Variants in SLC30A10 observed in about 807,000 individuals in gnomAD.
SLC30A10 encodes the protein calcium/manganese antiporter SLC30A10.
Under a neutral mutation model 21.7 loss-of-function variants are expected in SLC30A10, and 8 were observed. The observed-to-expected ratio is 0.37, with a 90% CI of 0.22 to 0.67. The LOEUF (loss-of-function observed/expected upper bound fraction) is 0.67. SLC30A10 is among the 30% of genes least tolerant of loss of function. SLC30A10 has a pLI of 0.58. For synonymous variants in SLC30A10, 272 were observed against 279.4 expected (o/e 0.97, Z 0.26); for missense variants, 521 against 642.5 (o/e 0.81, Z 2.04).
At chr1:219,942,607 C>A (rs1660136769) in intron 1 of SLC30A10, among the ~76,000 whole-genome samples, 1 of 152,200 alleles carries the variant, frequency 6.6e-6, no homozygotes, top group Non-Finnish European at 1.5e-5. Flanking sequence ...CTCAGGCAAA[C>A]AATTTTTTAA....
rs543456288 is a variant in SLC30A10 at position 219,945,653 on chromosome 1, A to G, written n.80+12915T>C. 3.3e-5 allele frequency among the ~76,000 whole-genome samples: 5 copies of G among 152,366 alleles called. 1 individual carries two copies. The South Asian group carries it at 1.0e-3, about 32-fold the overall frequency. Reference sequence around the variant, plus strand: ...TGCAGAAGGAGAAAGTACAAGGAACAGGGGAAAGCCAAAACTAGAAGAGAT... The same window carrying G: ...TGCAGAAGGAGAAAGTACAAGGAACGGGGGAAAGCCAAAACTAGAAGAGAT... On this transcript the variant is annotated intron_variant and non_coding_transcript_variant, in intron 1 of 8. Transcript: ENST00000484239.
chr1:219,946,635 G>A (rs939887892), intron 1 of SLC30A10, among the ~76,000 whole-genome samples: 2 of 152,014 alleles, frequency 1.3e-5, no homozygotes, highest in African/African-American at 2.4e-5. Context: ...GATTAAGCCT[G>A]GCTCAGCCCT....
intron 1 of SLC30A10, among the ~76,000 whole-genome samples, chr1:219,950,884 G>A (rs1660258129): frequency 6.6e-6 from 1 of 152,138 alleles, no homozygotes; most frequent in Non-Finnish European, 1.5e-5. Context: ...GGAGGTAGAG[G>A]TTGCAGTGAG....
rs1553311741 is a variant in SLC30A10, at chr1:219,911,149, G to GTTTTTTTTTTGTTTTTTTTTTTTTT, written c.*4299_*4300insAAAAAAAAAAAAAACAAAAAAAAAA. 3.8e-4 allele frequency among the ~76,000 whole-genome samples: 19 copies of GTTTTTTTTTTGTTTTTTTTTTTTTT among 49,418 alleles called. No individual in the cohort carries two copies. Among genetic ancestry groups the GTTTTTTTTTTGTTTTTTTTTTTTTT allele is most frequent in the South Asian group, 9.8e-4 (1 of 1,020 alleles). The allele number at this position is 49,418 out of a possible 152,430, so 32.4% of individuals were successfully genotyped here. On this transcript the variant is annotated 3_prime_UTR_variant, in exon 4 of 4. Coordinates refer to ENST00000366926, the MANE Select transcript of SLC30A10 (RefSeq NM_018713.3). ...ATGTTTCTTCATTTTTTCTACATCAGTTTTTTTTTTTTTTTTTTTTTTTTT... is the reference window on the plus strand; with the variant it reads ...ATGTTTCTTCATTTTTTCTACATCAGTTTTTTTTTTGTTTTTTTTTTTTTTTTTTTTTTTTTTTTTTTTTTTTTTT...
intron 1 of SLC30A10, among the ~76,000 whole-genome samples, chr1:219,941,141 T>C (rs1660115192): frequency 6.6e-6 from 1 of 152,048 alleles, no homozygotes; most frequent in African/African-American, 2.4e-5. Context: ...CAGAAGGAAA[T>C]AAAACACGAG....
At position 219,911,549 on chromosome 1, in the gene SLC30A10, CTTCAT is replaced by C. The variant is rs997234602; in HGVS notation, c.*3895_*3899del. 1.3e-5 allele frequency among the ~76,000 whole-genome samples: 2 copies of C among 152,028 alleles called. No individual in the cohort carries two copies. Among genetic ancestry groups the C allele is most frequent in the Non-Finnish European group, 2.9e-5 (2 of 67,992 alleles). ...AGAAGAGTGAGACCAAATGCTTTTT[CTTCAT>C]TTCATTTACTGTTATAATGACTGAT... On this transcript the variant is annotated 3_prime_UTR_variant, in exon 4 of 4. Transcript: ENST00000366926.
chr1:219,958,284 T>C lies in SLC30A10; in HGVS notation n.80+284A>G, dbSNP rs146587741. Among the ~76,000 whole-genome samples the C allele has an allele frequency of 3.0e-3, 464 of 152,308 alleles. 2 individuals are homozygous for C. The highest frequency in any genetic ancestry group is 0.01 in the African/African-American group (436 of 41,566). On this transcript the variant is annotated intron_variant and non_coding_transcript_variant, in intron 1 of 8. Transcript: ENST00000484239. ...CAATCGCTCTCTCTGTGGCTACGAT[T>C]AGTGCCTTTACTTCCTCTCTGCGTG...
chr1:219,954,333 G>A (rs949390552), intron 1 of SLC30A10, among the ~76,000 whole-genome samples: 2 of 151,936 alleles, frequency 1.3e-5, no homozygotes, highest in East Asian at 3.9e-4. Flanking sequence ...TGCCAGAACC[G>A]TGATTATGAG....
At chr1:219,942,879 T>C (rs1263045251) in intron 1 of SLC30A10, among the ~76,000 whole-genome samples, 1 of 152,074 alleles carries the variant, frequency 6.6e-6, no homozygotes, top group Non-Finnish European at 1.5e-5. Flanking sequence ...ACCCCATCTC[T>C]ACTGAAAATA....
At chr1:219,953,174 T>A (rs1660292619) in intron 1 of SLC30A10, among the ~76,000 whole-genome samples, 1 of 152,210 alleles carries the variant, frequency 6.6e-6, no homozygotes, top group Non-Finnish European at 1.5e-5. Context: ...CTGGTGGGAA[T>A]TAAGCATCAT....
Position 219,911,154 on chromosome 1 carries a change from T to TTTTTTGTTTTTG in SLC30A10, c.*4294_*4295insCAAAAACAAAAA, listed in dbSNP as rs1361304777. 9.3e-6 allele frequency among the ~76,000 whole-genome samples: 1 copy of TTTTTTGTTTTTG among 107,190 alleles called. No individual in the cohort carries two copies. Among genetic ancestry groups the TTTTTTGTTTTTG allele is most frequent in the Non-Finnish European group, 1.8e-5 (1 of 56,508 alleles). 70.3% of individuals were successfully genotyped at this position (107,190 alleles called of 152,430 possible). ...TCTTCATTTTTTCTACATCAGTTTTTTTTTTTTTTTTTTTTTTTTTGCAGT... is the reference window on the plus strand; with the variant it reads ...TCTTCATTTTTTCTACATCAGTTTTTTTTTTGTTTTTGTTTTTTTTTTTTTTTTTTTTGCAGT... On this transcript the variant is annotated 3_prime_UTR_variant, in exon 4 of 4. Transcript: ENST00000366926.
chr1:219,920,333 T>C (rs1659648348), intron 2 of SLC30A10, among the ~76,000 whole-genome samples: 1 of 152,176 alleles, frequency 6.6e-6, no homozygotes, highest in African/African-American at 2.4e-5. Context: ...ATCGAAGCTT[T>C]AACTTGCTTC....
chr1:219,937,749 T>C (rs1466096538), intron 1 of SLC30A10, among the ~76,000 whole-genome samples: 2 of 152,104 alleles, frequency 1.3e-5, no homozygotes, highest in Non-Finnish European at 2.9e-5. Context: ...GAGGCGGAGG[T>C]TGCAGCGAAC....
upstream of SLC30A10, among the ~76,000 whole-genome samples, chr1:219,930,861 C>G (rs1367579590): frequency 1.3e-5 from 2 of 152,072 alleles, no homozygotes; most frequent in Non-Finnish European, 2.9e-5. Context: ...TAAAATAGTG[C>G]CTGGTACACA....
chr1:219,922,174 G>GTGTGTGTGTGTGTGTTTTTTTT (rs1558252048), intron 2 of SLC30A10, among the ~76,000 whole-genome samples: 1 of 18,218 alleles, frequency 5.5e-5, no homozygotes. Context: ...GTGTGTGTGT[G>GTGTGTGTGTGTGTGTTTTTTTT]TGTTTTTTTT....
intron 1 of SLC30A10, among the ~76,000 whole-genome samples, chr1:219,934,402 G>A (rs1317159333): frequency 6.6e-6 from 1 of 152,090 alleles, no homozygotes; most frequent in Non-Finnish European, 1.5e-5. Context: ...GGCGGAGGTT[G>A]CAGTGAGCTG....
intron 1 of SLC30A10, among the ~76,000 whole-genome samples, chr1:219,946,999 C>T (rs1000448962): frequency 5.3e-5 from 8 of 152,184 alleles, no homozygotes; most frequent in South Asian, 4.2e-4. Context: ...CTCCTCTTTC[C>T]TCTCCTTCAT....
intron 3 of SLC30A10, among the ~76,000 whole-genome samples, chr1:219,916,681 G>A (rs1389673323): frequency 6.6e-6 from 1 of 152,130 alleles, no homozygotes. Context: ...TCCAAAATGA[G>A]TATGTATTTA....
At chr1:219,948,489 C>G (rs1660221995) in intron 1 of SLC30A10, among the ~76,000 whole-genome samples, 1 of 152,138 alleles carries the variant, frequency 6.6e-6, no homozygotes, top group Non-Finnish European at 1.5e-5. Context: ...TTTGACAAAC[C>G]TGAGAAAAAC....
Sources: allele counts gnomAD v4.1 joint callset (sites outside exome capture counted in the v4.1 genomes callset), GRCh38; gene constraint gnomAD v4.1.1; transcripts MANE v1.5; gene names NCBI Gene and HGNC (gene_info 2026-07-23, HGNC 2026-07-21).